TMEM161A: variants seen among roughly 807,000 people sequenced by gnomAD.
TMEM161A encodes the protein adaptive response to oxidative stress protein 29.
A neutral mutation model predicts 57.1 loss-of-function variants in TMEM161A; 46 were observed. That is an observed-to-expected ratio of 0.81 (90% CI 0.64 to 1.03). The LOEUF (loss-of-function observed/expected upper bound fraction) is 1.03, where lower values mean the gene tolerates loss of function less well. Ranked by LOEUF, TMEM161A falls within the 50% of genes least tolerant of loss-of-function variation. The pLI is 0.00. For synonymous variants in TMEM161A, 288 were observed against 279.0 expected (o/e 1.03, Z -0.32); for missense variants, 601 against 621.5 (o/e 0.97, Z 0.35).
In TMEM161A at chr19:19,138,292, A is replaced by T. The variant is rs1237127743; in HGVS notation, c.3+134T>A. The T allele has an allele frequency of 3.8e-6, 5 of 1,323,128 alleles. No individual in the cohort carries two copies. In the East Asian group the frequency reaches 1.0e-4, roughly 27 times the overall value. The allele number at this position is 1,323,128 out of a possible 1,614,324, so 82.0% of individuals were successfully genotyped here. A position where few individuals can be genotyped will look rare whatever the true frequency, so the allele number is the denominator to read the frequency against. ...TCCCAGAGAGGGACACACGGCCTTC[A>T]GCGTGCCCCCGAATCCCTCAGAGCC... On this transcript the variant is annotated intron_variant, in intron 1 of 11. Coordinates refer to ENST00000162044, the MANE Select transcript of TMEM161A (RefSeq NM_017814.3).
intron 6 of TMEM161A, among the ~76,000 whole-genome samples, chr19:19,129,105 G>A (rs2059945090): frequency 6.6e-6 from 1 of 152,076 alleles, no homozygotes; most frequent in South Asian, 2.1e-4. Context: ...ACGAGGGCTA[G>A]GTTGGCAAAA....
intron 6 of TMEM161A, among the ~76,000 whole-genome samples, chr19:19,127,747 T>C (rs894945178): frequency 1.2e-4 from 17 of 147,722 alleles, no homozygotes; most frequent in Admixed American, 2.1e-4. Flanking sequence ...CTGAGAAGCA[T>C]AGCAAGACCC....
At chr19:19,126,405 C>A (rs2059931630) in intron 6 of TMEM161A, among the ~76,000 whole-genome samples, 1 of 152,086 alleles carries the variant, frequency 6.6e-6, no homozygotes, top group Admixed American at 6.6e-5. Context: ...AAATTTGGAA[C>A]ACTTGTGCAC....
intron 6 of TMEM161A, among the ~76,000 whole-genome samples, chr19:19,125,591 A>G (rs1036303426): frequency 5.6e-5 from 8 of 143,786 alleles, no homozygotes; most frequent in Non-Finnish European, 1.0e-4. Context: ...ATCTTGGCTC[A>G]CTGCAAGCTC....
chr19:19,137,525 AT>A (rs1256304952), intron 1 of TMEM161A, among the ~76,000 whole-genome samples: 1 of 152,110 alleles, frequency 6.6e-6, no homozygotes, highest in Admixed American at 6.6e-5. Flanking sequence ...CCTTCACTGG[AT>A]TTACGATTCT....
chr19:19,121,511 G>A lies in TMEM161A; in HGVS notation c.800+14C>T. 6.2e-7 allele frequency: 1 copy of A among 1,613,438 alleles called. No individual in the cohort carries two copies. The highest frequency in any genetic ancestry group is 8.5e-7 in the Non-Finnish European group (1 of 1,179,576). ...GCTCCCTAGTCCCCCCACCCACCAA[G>A]CGACCCACTTAACTGCAGCATGGGT... On this transcript the variant is annotated intron_variant, in intron 8 of 11. Transcript: ENST00000162044. This position sits in a 1 kb window ranked among gnomAD's most constrained non-coding sequence, Gnocchi z 5.8.
chr19:19,125,433 C>T (rs1279118047), intron 6 of TMEM161A, among the ~76,000 whole-genome samples: 2 of 151,934 alleles, frequency 1.3e-5, no homozygotes, highest in African/African-American at 2.4e-5. Context: ...TCACTGCAAC[C>T]TCTGCCTCCG....
chr19:19,120,071 C>A lies in TMEM161A; in HGVS notation c.1299G>T (p.Arg433=). ...GCAGGCCACCCAGAGCCCCGGCAAT[C>A]CGCGCTGCAGTCTGCTGGACTTCGT... ...GEDEVQQTAA[R]IAGALGGLLT... The change falls in exon 12 of 12, where the codon CGG becomes CGT. Residue 433 remains arginine, a synonymous_variant. Transcript: ENST00000162044. The A allele has an allele frequency of 6.3e-7, 1 of 1,593,030 alleles. No individual in the cohort carries two copies. Among genetic ancestry groups the A allele is most frequent in the Admixed American group, 1.8e-5 (1 of 56,772 alleles).
Position 19,119,670 on chromosome 19 carries a change from C to T in TMEM161A, c.*260G>A. The T allele has an allele frequency of 7.5e-6, 4 of 535,678 alleles. No homozygotes were observed. The highest frequency in any genetic ancestry group is 1.0e-5 in the Non-Finnish European group (3 of 297,752). 33.2% of individuals were successfully genotyped at this position (535,678 alleles called of 1,614,324 possible). A position where few individuals can be genotyped will look rare whatever the true frequency, so the allele number is the denominator to read the frequency against. ...TGTTCAGAAGAGCAGCCAGCATCAC[C>T]CTTGCCACTCAAACCTGGCACATAC... is the stretch of plus-strand genomic sequence containing the variant. On this transcript the variant is annotated 3_prime_UTR_variant, in exon 12 of 12. Transcript: ENST00000162044.
At chr19:19,130,131 G>A (rs1223202657) in intron 6 of TMEM161A, 25 bp downstream of exon 6, 1 of 1,610,556 alleles carries the variant, frequency 6.2e-7, no homozygotes, top group Non-Finnish European at 8.5e-7. Context: ...AGCTGCGGTG[G>A]CCCCACGTTG....
chr19:19,127,142 C>G (rs1200371704), intron 6 of TMEM161A, among the ~76,000 whole-genome samples: 1 of 152,076 alleles, frequency 6.6e-6, no homozygotes, highest in Non-Finnish European at 1.5e-5. Flanking sequence ...TCCAGCAGTT[C>G]CACTTCTGGA....
chr19:19,134,687 A>G (rs528877477), intron 2 of TMEM161A, 97 bp downstream of exon 2: 3 of 875,106 alleles, frequency 3.4e-6, no homozygotes, highest in African/African-American at 3.3e-5. Context: ...CCACCCACCA[A>G]CCAAAATCAA....
In TMEM161A at chr19:19,121,759, G is replaced by T. The variant is rs549197484; in HGVS notation, c.656C>A (p.Ala219Glu). The T allele has an allele frequency of 6.2e-7, 1 of 1,613,884 alleles. No individual in the cohort carries two copies. Among genetic ancestry groups the T allele is most frequent in the African/African-American group, 1.3e-5 (1 of 74,882 alleles). ...PLLKKQGWDW[A>E]LPVAKLAIRV... ...TCCCTCCCCCATTCCCAGGACTCAC[G>T]CCCAGTCCCAGCCCTGCTTCTTCAG... Residue 219 changes from alanine to glutamate, a missense_variant and splice_region_variant, in exon 7 of 12, where the codon GCG becomes GAG. By Grantham distance (107) the Ala-to-Glu change is moderately radical (BLOSUM62 -1). Coordinates refer to ENST00000162044, the MANE Select transcript of TMEM161A (RefSeq NM_017814.3). The surrounding 1 kb of genome is among the most constrained non-coding windows in gnomAD (Gnocchi z 5.8).
At chr19:19,124,112 G>A (rs1254589919) in intron 6 of TMEM161A, among the ~76,000 whole-genome samples, 2 of 151,898 alleles carry the variant, frequency 1.3e-5, no homozygotes, top group Non-Finnish European at 2.9e-5. Context: ...TGATAAAATG[G>A]CTGATTCACC....
At chr19:19,134,353 G>A (rs960878351) in intron 2 of TMEM161A, among the ~76,000 whole-genome samples, 2 of 152,120 alleles carry the variant, frequency 1.3e-5, no homozygotes, top group African/African-American at 4.8e-5. Context: ...TGTAATCCCA[G>A]CACTTTGGGA....
At chr19:19,127,232 C>T (rs2059934774) in intron 6 of TMEM161A, among the ~76,000 whole-genome samples, 1 of 151,968 alleles carries the variant, frequency 6.6e-6, no homozygotes, top group Middle Eastern at 3.4e-3. Context: ...AGTCAAAAAG[C>T]CAAAAGTTGG....
intron 6 of TMEM161A, among the ~76,000 whole-genome samples, chr19:19,128,023 A>C (rs1029750267): frequency 1.3e-5 from 2 of 152,168 alleles, no homozygotes; most frequent in African/African-American, 4.8e-5. Context: ...AGCACGTCAC[A>C]AAAGGACAAA....
At chr19:19,136,479 A>C (rs900049549) in intron 1 of TMEM161A, among the ~76,000 whole-genome samples, 3 of 151,774 alleles carry the variant, frequency 2.0e-5, no homozygotes, top group African/African-American at 7.3e-5. Flanking sequence ...AACATGATGA[A>C]ACCTTGTCTC....
rs751935779 is a variant in TMEM161A at position 19,120,745 on chromosome 19, C to T, written c.1186+20G>A. 1.2e-6 allele frequency: 2 copies of T among 1,610,914 alleles called. No homozygotes were observed. The highest frequency in any genetic ancestry group is 1.7e-6 in the Non-Finnish European group (2 of 1,178,674). ...CTTCCAACTCCGCCCCTCCTCCACC[C>T]CCACACCGCGGCATCTCACCCAGCG... is the stretch of plus-strand genomic sequence containing the variant. On this transcript the variant is annotated intron_variant, in intron 11 of 11. Transcript: ENST00000162044.
Sources: gnomAD v4.1 joint callset for allele counts (sites outside exome capture counted in the v4.1 genomes callset) on GRCh38, gnomAD v4.1.1 for gene constraint, Gnocchi (gnomAD v3.1) non-coding constraint, MANE v1.5 for transcripts, NCBI Gene and HGNC (gene_info 2026-07-23, HGNC 2026-07-21) for gene names.